Variants in GRID1 observed in about 807,000 individuals in gnomAD.
GRID1 encodes glutamate receptor ionotropic, delta-1.
In GRID1, 28 loss-of-function variants were observed where a neutral mutation model predicts 98.0. The ratio of observed to expected loss-of-function variants is 0.29; its 90% CI spans 0.21 to 0.39. The LOEUF is 0.39. GRID1 is among the 10% of genes least tolerant of loss of function. GRID1 has a pLI of 1.00. For synonymous variants in GRID1, 553 were observed against 538.5 expected, an observed-to-expected ratio of 1.03 and a Z score of -0.37; for missense variants, 1,111 against 1,340.5, an observed-to-expected ratio of 0.83 and a Z score of 2.67.
intron 8 of GRID1, among the ~76,000 whole-genome samples, chr10:85,774,004 C>T (rs111802432): frequency 0.053 from 8,017 of 152,196 alleles, 363 homozygotes; most frequent in African/African-American, 0.12. Flanking sequence ...CAAAAGAGAG[C>T]CCGCATCGCC....
chr10:85,634,578 T>A (rs1042990945), intron 13 of GRID1, among the ~76,000 whole-genome samples: 4 of 152,190 alleles, frequency 2.6e-5, no homozygotes, highest in African/African-American at 9.7e-5. Context: ...TTTGCATTCC[T>A]TATTTGCAAA....
At chr10:86,299,065 C>G (rs1308462459) in intron 2 of GRID1, among the ~76,000 whole-genome samples, 4 of 152,106 alleles carry the variant, frequency 2.6e-5, no homozygotes, top group Non-Finnish European at 5.9e-5. Context: ...ATAAGGGGAG[C>G]TATCATCACC....
chr10:86,089,639 G>C (rs1844115298), intron 4 of GRID1, among the ~76,000 whole-genome samples: 1 of 151,948 alleles, frequency 6.6e-6, no homozygotes, highest in African/African-American at 2.4e-5. Context: ...TTTTTAAACA[G>C]CTAGCATAAA....
chr10:86,219,400 C>T (rs1009149801), intron 2 of GRID1, among the ~76,000 whole-genome samples: 5 of 152,222 alleles, frequency 3.3e-5, no homozygotes, highest in African/African-American at 1.2e-4. Flanking sequence ...GGCTACAGGT[C>T]CCTCTTCAAG....
At chr10:86,295,082 G>A (rs1429921067) in intron 2 of GRID1, among the ~76,000 whole-genome samples, 5 of 152,208 alleles carry the variant, frequency 3.3e-5, no homozygotes, top group East Asian at 1.9e-4. Context: ...ACCACAGTGC[G>A]CACAGGAGCA....
chr10:86,017,433 G>A (rs1310429896), intron 4 of GRID1, among the ~76,000 whole-genome samples: 1 of 152,220 alleles, frequency 6.6e-6, no homozygotes, highest in Non-Finnish European at 1.5e-5. Context: ...AGTAAGTGCT[G>A]ACTTTTGCTA....
At chr10:86,312,054 C>T (rs568298345) in intron 2 of GRID1, among the ~76,000 whole-genome samples, 2 of 152,330 alleles carry the variant, frequency 1.3e-5, no homozygotes, top group South Asian at 2.1e-4. Flanking sequence ...GTGCAAAGTG[C>T]CTTGTGGCTG....
chr10:86,180,004 G>A (rs905731670), intron 3 of GRID1, among the ~76,000 whole-genome samples: 7 of 152,220 alleles, frequency 4.6e-5, no homozygotes, highest in African/African-American at 1.4e-4. Context: ...GCAGAGGCCT[G>A]AGGCACCACA....
chr10:85,721,884 C>G (rs1031014814), intron 12 of GRID1, among the ~76,000 whole-genome samples: 1 of 152,060 alleles, frequency 6.6e-6, no homozygotes, highest in Non-Finnish European at 1.5e-5. Flanking sequence ...AAGAGGGGAA[C>G]AGTGAATAAA....
At chr10:86,142,468 G>A (rs1348528042) in intron 3 of GRID1, among the ~76,000 whole-genome samples, 1 of 152,228 alleles carries the variant, frequency 6.6e-6, no homozygotes, top group African/African-American at 2.4e-5. Context: ...ATGTGCACAG[G>A]TGGCTTCTGC....
intron 2 of GRID1, among the ~76,000 whole-genome samples, chr10:86,252,187 G>C (rs1846846271): frequency 6.6e-6 from 1 of 152,202 alleles, no homozygotes; most frequent in South Asian, 2.1e-4. Flanking sequence ...TGGATTCTAA[G>C]GGAGGCAGGG....
At chr10:85,868,545 C>T (rs776790409) in intron 6 of GRID1, among the ~76,000 whole-genome samples, 8 of 152,198 alleles carry the variant, frequency 5.3e-5, no homozygotes, top group Non-Finnish European at 1.2e-4. Context: ...GAGCATCCAA[C>T]AGTGTCCTGG....
At chr10:85,750,012 C>T (rs192945740) in intron 8 of GRID1, among the ~76,000 whole-genome samples, 23 of 152,266 alleles carry the variant, frequency 1.5e-4, no homozygotes, top group Admixed American at 1.5e-3. Flanking sequence ...GGAATATAAG[C>T]TGCATGAGGA....
chr10:85,876,862 G>A (rs1215418725), intron 5 of GRID1, among the ~76,000 whole-genome samples: 1 of 152,212 alleles, frequency 6.6e-6, no homozygotes, highest in Admixed American at 6.5e-5. Context: ...GTCAAAGAAA[G>A]GGGTGACAGA....
intron 4 of GRID1, among the ~76,000 whole-genome samples, chr10:86,116,365 C>T (rs1386554020): frequency 6.6e-6 from 1 of 152,186 alleles, no homozygotes. Flanking sequence ...CCCCTAGAAT[C>T]TGTCAGGCAC....
chr10:86,272,552 G>T (rs1018588925), intron 2 of GRID1, among the ~76,000 whole-genome samples: 1 of 152,142 alleles, frequency 6.6e-6, no homozygotes, highest in Non-Finnish European at 1.5e-5. Context: ...TCTGTTATAG[G>T]CTGTCTGAGG....
At chr10:86,345,552 C>A (rs562191055) in intron 2 of GRID1, among the ~76,000 whole-genome samples, 1 of 152,214 alleles carries the variant, frequency 6.6e-6, no homozygotes, top group Non-Finnish European at 1.5e-5. Context: ...AAGAATGGTA[C>A]GCGCTGCACC....
rs552491074 is a variant in GRID1, at chr10:85,965,717, A to G, written c.727-49478T>C. 3.7e-4 allele frequency among the ~76,000 whole-genome samples: 56 copies of G among 152,266 alleles called. 1 individual carries two copies. Among genetic ancestry groups the G allele is most frequent in the Admixed American group, 1.2e-3 (18 of 15,294 alleles). Reference sequence around the variant, plus strand: ...GGGTTGATGGGTGCAGCAAACCACAATGGTACATGTATACCTATGTAACAA... The same window carrying G: ...GGGTTGATGGGTGCAGCAAACCACAGTGGTACATGTATACCTATGTAACAA... On this transcript the variant is annotated intron_variant, in intron 4 of 15. Coordinates refer to ENST00000327946, the MANE Select transcript of GRID1 (RefSeq NM_017551.3).
At chr10:86,117,415 TA>T (rs1210615992) in intron 4 of GRID1, among the ~76,000 whole-genome samples, 1 of 148,854 alleles carries the variant, frequency 6.7e-6, no homozygotes, top group Non-Finnish European at 1.5e-5. Flanking sequence ...ACACCATCAC[TA>T]TTACCACCAC....
Sources: allele counts gnomAD v4.1 joint callset (sites outside exome capture counted in the v4.1 genomes callset), GRCh38; gene constraint gnomAD v4.1.1; transcripts MANE v1.5; gene names NCBI Gene and HGNC (gene_info 2026-07-23, HGNC 2026-07-21).